Variants in CCDC88A observed in about 807,000 individuals in gnomAD.
CCDC88A encodes the protein girdin.
Under a neutral mutation model 234.3 loss-of-function variants are expected in CCDC88A, and 54 were observed. That is an observed-to-expected ratio of 0.23 (90% CI 0.19 to 0.29). The LOEUF is 0.29. Among genes scored for constraint, CCDC88A ranks in the 10% least tolerant of loss-of-function variants. The probability of loss-of-function intolerance (pLI) is 1.00; values close to 1 mark genes in which losing one functional copy is unlikely to be tolerated. For missense variants in CCDC88A, 1,832 were observed against 2,123.4 expected, an observed-to-expected ratio of 0.86 and a Z score of 2.70; for synonymous variants, 753 against 737.8, an observed-to-expected ratio of 1.02 and a Z score of -0.33.
intron 3 of CCDC88A, among the ~76,000 whole-genome samples, chr2:55,387,539 T>A (rs1413206493): frequency 2.6e-5 from 4 of 152,006 alleles, no homozygotes; most frequent in African/African-American, 9.6e-5. Context: ...CCCAGCACTT[T>A]GGGAGGCTGA....
chr2:55,310,369 C>T (rs1682194656), intron 23 of CCDC88A, among the ~76,000 whole-genome samples: 1 of 152,052 alleles, frequency 6.6e-6, no homozygotes, highest in Admixed American at 6.6e-5. Context: ...ATCACTTGAG[C>T]TCAGGAGTTT....
At chr2:55,367,117 T>A (rs1026185333) in intron 5 of CCDC88A, among the ~76,000 whole-genome samples, 3 of 152,134 alleles carry the variant, frequency 2.0e-5, no homozygotes, top group African/African-American at 7.2e-5. Context: ...GAAAAAACCT[T>A]AAAGACATTA....
At chr2:55,406,588 T>C (rs962861232) in intron 2 of CCDC88A, among the ~76,000 whole-genome samples, 3 of 152,108 alleles carry the variant, frequency 2.0e-5, no homozygotes, top group Non-Finnish European at 4.4e-5. Flanking sequence ...ACCCCGTCTC[T>C]ACTAAAAATA....
chr2:55,390,047 AAAT>A lies in CCDC88A; in HGVS notation c.165-1164_165-1162del, dbSNP rs1206040633. ...CAGAGCGAGACTCAAAAAAAAAAAA[AAAT>A]AAAAAATAAAGATAGAACATTTCAA... is the stretch of plus-strand genomic sequence containing the variant. On this transcript the variant is annotated intron_variant, in intron 2 of 32. Coordinates refer to ENST00000436346, the MANE Select transcript of CCDC88A (RefSeq NM_001365480.1). 1.1e-4 allele frequency among the ~76,000 whole-genome samples: 16 copies of A among 144,112 alleles called. 2 individuals carry two copies. Among genetic ancestry groups the A allele is most frequent in the Non-Finnish European group, 2.0e-4 (13 of 66,090 alleles). The allele number at this position is 144,112 out of a possible 152,430, so 94.5% of individuals were successfully genotyped here. A position where few individuals can be genotyped will look rare whatever the true frequency, so the allele number is the denominator to read the frequency against.
chr2:55,406,435 C>T (rs1227630331), intron 2 of CCDC88A, among the ~76,000 whole-genome samples: 1 of 152,146 alleles, frequency 6.6e-6, no homozygotes, highest in African/African-American at 2.4e-5. Flanking sequence ...TCATCCTCCA[C>T]TACTTTGTAA....
chr2:55,333,882 T>C (rs983835040), intron 15 of CCDC88A, among the ~76,000 whole-genome samples: 2 of 152,020 alleles, frequency 1.3e-5, no homozygotes, highest in South Asian at 2.1e-4. Flanking sequence ...GGAAACTTTA[T>C]TACTACAAAT....
At chr2:55,388,945 T>A (rs970385992) in intron 2 of CCDC88A, 59 bp from the exon 3 acceptor site, 13 of 477,582 alleles carry the variant, frequency 2.7e-5, no homozygotes, top group Non-Finnish European at 4.7e-5. Flanking sequence ...AATCTATATA[T>A]AATTAAAATT....
intron 3 of CCDC88A, among the ~76,000 whole-genome samples, chr2:55,388,339 A>G (rs142624582): frequency 8.7e-4 from 132 of 152,326 alleles, no homozygotes; most frequent in African/African-American, 3.1e-3. Flanking sequence ...AAAATACGCC[A>G]TACCAAAATT....
In CCDC88A at chr2:55,419,308, C is replaced by A. The variant is rs1681961778; in HGVS notation, c.-229G>T. 2 of 519,680 alleles carry A rather than the reference C, an allele frequency of 3.8e-6. No individual in the cohort carries two copies. Among genetic ancestry groups the A allele is most frequent in the Admixed American group, 3.3e-5 (1 of 29,872 alleles). 32.2% of individuals were successfully genotyped at this position (519,680 alleles called of 1,614,324 possible). On this transcript the variant is annotated 5_prime_UTR_variant, in exon 1 of 33. Coordinates refer to ENST00000436346, the MANE Select transcript of CCDC88A (RefSeq NM_001365480.1). ...GACGGACACCACGAGCAGCAGCCTG[C>A]GCTGGAAATGTCTGTACCGGGCGAG... is the stretch of plus-strand genomic sequence containing the variant.
chr2:55,419,522 C>CTTTTTA lies in CCDC88A; in HGVS notation c.-444_-443insTAAAAA. The CTTTTTA allele has an allele frequency of 1.4e-5, 2 of 144,324 alleles. No individual in the cohort carries two copies. The highest frequency in any genetic ancestry group is 3.1e-5 in the Non-Finnish European group (2 of 65,248). The allele number at this position is 144,324 out of a possible 1,614,324, so 8.9% of individuals were successfully genotyped here. A position where few individuals can be genotyped will look rare whatever the true frequency, so the allele number is the denominator to read the frequency against. ...GACCACGTTAAGGATACCGAGGCGCCACCAGACTCGACCTCGGCGTTCCGA... is the reference window on the plus strand; with the variant it reads ...GACCACGTTAAGGATACCGAGGCGCCTTTTTAACCAGACTCGACCTCGGCGTTCCGA... On this transcript the variant is annotated 5_prime_UTR_variant, in exon 1 of 33. Coordinates refer to ENST00000436346, the MANE Select transcript of CCDC88A (RefSeq NM_001365480.1).
chr2:55,356,313 T>G (rs1670566710), intron 7 of CCDC88A: 1 of 152,238 alleles, frequency 6.6e-6, no homozygotes, highest in Admixed American at 6.5e-5. Flanking sequence ...TCCATGTCCC[T>G]GCAAAGGACA....
At chr2:55,353,264 G>A (rs763791977) in intron 8 of CCDC88A, among the ~76,000 whole-genome samples, 8 of 152,038 alleles carry the variant, frequency 5.3e-5, no homozygotes, top group Non-Finnish European at 1.0e-4. Context: ...CCATCATTAC[G>A]GTTCTAATTG....
At chr2:55,394,149 A>T (rs1476223283) in intron 2 of CCDC88A, 1 of 152,082 alleles carries the variant, frequency 6.6e-6, no homozygotes, top group East Asian at 1.9e-4. Context: ...TCATTGTTCA[A>T]TTCCCACCTG....
At chr2:55,295,024 A>G (rs973146457) in intron 31 of CCDC88A, 6 of 1,220,792 alleles carry the variant, frequency 4.9e-6, no homozygotes, top group South Asian at 1.5e-5. Context: ...GAAGCAGTGT[A>G]TATCAAATAA....
intron 2 of CCDC88A, among the ~76,000 whole-genome samples, chr2:55,399,369 T>TA (rs1312741689): frequency 8.7e-5 from 13 of 148,976 alleles, no homozygotes; most frequent in South Asian, 4.2e-4. Flanking sequence ...TACTAAAAAT[T>TA]AAAAAAAAAA....
intron 4 of CCDC88A, among the ~76,000 whole-genome samples, chr2:55,374,529 ATCT>A (rs1319848035): frequency 6.6e-6 from 1 of 152,200 alleles, no homozygotes; most frequent in African/African-American, 2.4e-5. Flanking sequence ...TAACTACATC[ATCT>A]TCTATACTTC....
At chr2:55,306,456 C>T (rs1681577270) in intron 25 of CCDC88A, among the ~76,000 whole-genome samples, 1 of 151,968 alleles carries the variant, frequency 6.6e-6, no homozygotes, top group Non-Finnish European at 1.5e-5. Context: ...CGTACATATA[C>T]ATATATGTGT....
At chr2:55,326,252 A>G in intron 17 of CCDC88A, among the ~76,000 whole-genome samples, 1 of 151,960 alleles carries the variant, frequency 6.6e-6, no homozygotes, top group Non-Finnish European at 1.5e-5. Context: ...CCTGCGCTCA[A>G]GCGAACTTGC....
chr2:55,296,668 T>C, intron 29 of CCDC88A, 145 bp from the exon 30 acceptor site: 2 of 741,876 alleles, frequency 2.7e-6, no homozygotes, highest in South Asian at 1.9e-5. Context: ...TAGTAAACCA[T>C]GTCAATCTTT....
Sources: allele counts gnomAD v4.1 joint callset (sites outside exome capture counted in the v4.1 genomes callset), GRCh38; gene constraint gnomAD v4.1.1; transcripts MANE v1.5; gene names NCBI Gene and HGNC (gene_info 2026-07-23, HGNC 2026-07-21).